TENM2: variants seen among roughly 807,000 people sequenced by gnomAD.
TENM2 encodes the protein teneurin-2.
TENM2 carries 52 observed loss-of-function variants against 245.2 expected under a neutral mutation model. The ratio of observed to expected loss-of-function variants is 0.21; its 90% CI spans 0.17 to 0.27. The LOEUF (loss-of-function observed/expected upper bound fraction) is 0.27. TENM2 is among the 10% of genes least tolerant of loss of function. The pLI, the probability that TENM2 is intolerant of heterozygous loss-of-function variation, is 1.00. For missense variants in TENM2, 3,046 were observed against 3,666.8 expected (o/e 0.83, Z 4.37); for synonymous variants, 1,363 against 1,438.9 (o/e 0.95, Z 1.19).
intron 12 of TENM2, among the ~76,000 whole-genome samples, chr5:168,158,722 G>A (rs991171855): frequency 4.7e-5 from 7 of 149,102 alleles, no homozygotes; most frequent in Admixed American, 3.4e-4. Flanking sequence ...CACTTTGGGA[G>A]GCCAAGGCAG....
intron 23 of TENM2, among the ~76,000 whole-genome samples, chr5:168,222,744 CCCTT>C (rs1346223987): frequency 3.3e-5 from 5 of 152,196 alleles, no homozygotes; most frequent in African/African-American, 1.2e-4. Context: ...TCCACTCCCT[CCCTT>C]CTTTATTTTA....
chr5:167,728,447 T>TA (rs550828648), intron 2 of TENM2, among the ~76,000 whole-genome samples: 93 of 151,428 alleles, frequency 6.1e-4, no homozygotes, highest in Non-Finnish European at 1.0e-3. Flanking sequence ...TACTAAAAAA[T>TA]AAAAAATAAA....
At chr5:167,349,682 G>C (rs866777266) in intron 1 of TENM2, among the ~76,000 whole-genome samples, 12 of 152,082 alleles carry the variant, frequency 7.9e-5, no homozygotes, top group Non-Finnish European at 1.8e-4. Flanking sequence ...ATATGTGTGT[G>C]TATATGTAAA....
intron 12 of TENM2, among the ~76,000 whole-genome samples, chr5:168,131,456 A>G (rs1157411286): frequency 6.6e-6 from 1 of 151,916 alleles, no homozygotes; most frequent in Non-Finnish European, 1.5e-5. Flanking sequence ...GGGCCCTTCT[A>G]TTTTTCCTCT....
intron 25 of TENM2, among the ~76,000 whole-genome samples, chr5:168,231,703 A>C (rs1764925777): frequency 1.3e-5 from 2 of 151,944 alleles, no homozygotes; most frequent in Admixed American, 6.6e-5. Flanking sequence ...GGTTCAAGAC[A>C]AGACCAGCCT....
chr5:167,769,407 A>T (rs1561760317), intron 2 of TENM2, among the ~76,000 whole-genome samples: 1 of 152,206 alleles, frequency 6.6e-6, no homozygotes, highest in African/African-American at 2.4e-5. Flanking sequence ...CATTTTGGAC[A>T]CTGGGGCCTT....
chr5:167,071,916 C>T, the TENM2 span, among the ~76,000 whole-genome samples: 2 of 115,306 alleles, frequency 1.7e-5, no homozygotes, highest in Non-Finnish European at 3.3e-5. Flanking sequence ...TCTGGAAAAT[C>T]AGGATGCTAG....
chr5:167,197,820 G>C, the TENM2 span, among the ~76,000 whole-genome samples: 19 of 151,656 alleles, frequency 1.3e-4, no homozygotes, highest in African/African-American at 4.4e-4. Flanking sequence ...TTTCTTTCTA[G>C]AGTATGAGAT....
rs1331608083 is a variant in TENM2 at position 167,841,861 on chromosome 5, T to G, written c.503-34125T>G. Among the ~76,000 whole-genome samples, 4 of 152,166 alleles carry G rather than the reference T, an allele frequency of 2.6e-5. No individual in the cohort carries two copies. In the East Asian group the frequency reaches 5.8e-4, roughly 22 times the overall value. ...CTGCACTTCTGTTTTTGCCTTTGTC[T>G]TTTTTGATTGTTACATTTTTAAAAC... On this transcript the variant is annotated intron_variant, in intron 2 of 28. Transcript: ENST00000518659.
chr5:167,139,782 T>G, the TENM2 span, among the ~76,000 whole-genome samples: 1 of 152,000 alleles, frequency 6.6e-6, no homozygotes, highest in Non-Finnish European at 1.5e-5. Context: ...GATACAAATA[T>G]GAAAAAAATA....
intron 13 of TENM2, among the ~76,000 whole-genome samples, chr5:168,172,057 G>A (rs1447266374): frequency 7.9e-5 from 12 of 152,284 alleles, no homozygotes; most frequent in African/African-American, 2.4e-5. Flanking sequence ...GGGGCAACTC[G>A]CTCACCCAGG....
chr5:167,716,117 C>A (rs1446597142), intron 2 of TENM2, among the ~76,000 whole-genome samples: 1 of 152,142 alleles, frequency 6.6e-6, no homozygotes, highest in Admixed American at 6.5e-5. Context: ...GAGCATGGCC[C>A]CCCATTCAGC....
chr5:167,423,883 AGACCATC>A (rs1763655562), intron 2 of TENM2, among the ~76,000 whole-genome samples: 1 of 152,170 alleles, frequency 6.6e-6, no homozygotes, highest in South Asian at 2.1e-4. Context: ...TTCCCACTGG[AGACCATC>A]GACCATGGCG....
At chr5:167,337,157 A>G (rs867221028) in intron 1 of TENM2, among the ~76,000 whole-genome samples, 1 of 151,170 alleles carries the variant, frequency 6.6e-6, no homozygotes, top group African/African-American at 2.4e-5. Context: ...AAAAAAATCA[A>G]AAATCTGAAA....
rs907535316 is a variant in TENM2, at chr5:168,223,928, A to AAG, written c.5109-2159_5109-2158insGA. Among the ~76,000 whole-genome samples the AAG allele has an allele frequency of 2.4e-4, 37 of 151,832 alleles. No homozygotes were observed. The South Asian group carries it at 6.4e-3, about 26-fold the overall frequency. On this transcript the variant is annotated intron_variant, in intron 23 of 28. Coordinates refer to ENST00000518659, the Ensembl canonical transcript of TENM2. ...GATATTTTTTACCCCTCCCTGAAAA[A>AAG]AAAAGCTACTGTCAAGGGAGTATAT...
At chr5:167,164,332 A>C in the TENM2 span, among the ~76,000 whole-genome samples, 1 of 152,234 alleles carries the variant, frequency 6.6e-6, no homozygotes, top group Admixed American at 6.5e-5. Flanking sequence ...CTGTAAGCAC[A>C]TGAGAGATTA....
rs139766191 is a variant in TENM2 at position 167,473,904 on chromosome 5, G to C, written c.502+98431G>C. On this transcript the variant is annotated intron_variant, in intron 2 of 28. Coordinates refer to ENST00000518659, the Ensembl canonical transcript of TENM2. ...ACTCAATGAGCATCATCAACTCAAG[G>C]GAAAATTGGAGCTTTGCAATGGGCC... 4.9e-3 allele frequency among the ~76,000 whole-genome samples: 750 copies of C among 152,176 alleles called. 7 individuals carry two copies. Among genetic ancestry groups the C allele is most frequent in the African/African-American group, 0.017 (702 of 41,522 alleles).
intron 2 of TENM2, among the ~76,000 whole-genome samples, chr5:167,430,597 C>T (rs1764155716): frequency 6.6e-6 from 1 of 152,144 alleles, no homozygotes; most frequent in Non-Finnish European, 1.5e-5. Context: ...ACTAGAATAA[C>T]CAGAGAGAAT....
At chr5:167,369,706 T>A (rs1328976987) in intron 1 of TENM2, among the ~76,000 whole-genome samples, 1 of 152,180 alleles carries the variant, frequency 6.6e-6, no homozygotes, top group Admixed American at 6.5e-5. Flanking sequence ...TAAAATGACT[T>A]CTCTTAAATT....
Sources: gnomAD v4.1 joint callset for allele counts (sites outside exome capture counted in the v4.1 genomes callset) on GRCh38, gnomAD v4.1.1 for gene constraint, MANE v1.5 for transcripts, NCBI Gene and HGNC (gene_info 2026-07-23, HGNC 2026-07-21) for gene names.